KCNAB2: variants seen among roughly 807,000 people sequenced by gnomAD.
KCNAB2 encodes voltage-gated potassium channel subunit beta-2.
KCNAB2 carries 29 observed loss-of-function variants against 63.6 expected under a neutral mutation model. That is an observed-to-expected ratio of 0.46 (90% confidence interval 0.34 to 0.62). The LOEUF (loss-of-function observed/expected upper bound fraction) is 0.62, where lower values mean the gene tolerates loss of function less well. KCNAB2 is among the 20% of genes least tolerant of loss of function. The probability of loss-of-function intolerance (pLI) is 0.01; values close to 1 mark genes in which losing one functional copy is unlikely to be tolerated. For missense variants in KCNAB2, 359 were observed against 563.9 expected (o/e 0.64, Z 3.68); for synonymous variants, 222 against 224.2 (o/e 0.99, Z 0.09).
chr1:6,033,104 A>G (rs538348381), upstream of KCNAB2, among the ~76,000 whole-genome samples: 1 of 152,232 alleles, frequency 6.6e-6, no homozygotes, highest in African/African-American at 2.4e-5. Flanking sequence ...GGTTAAGACA[A>G]AATTCTCAGA....
intron 1 of KCNAB2, among the ~76,000 whole-genome samples, chr1:6,002,583 C>G (rs899220439): frequency 6.6e-6 from 1 of 152,366 alleles, no homozygotes; most frequent in African/African-American, 2.4e-5. Context: ...GAGGACACAG[C>G]TTGTGTTTTT....
intron 1 of KCNAB2, among the ~76,000 whole-genome samples, chr1:5,995,127 C>T (rs1570802879): frequency 6.6e-6 from 1 of 152,126 alleles, no homozygotes; most frequent in Non-Finnish European, 1.5e-5. Flanking sequence ...TCCTGGCGTC[C>T]CTGAATAAGG....
At chr1:6,076,462 G>A (rs1571039626) in intron 4 of KCNAB2, among the ~76,000 whole-genome samples, 2 of 152,220 alleles carry the variant, frequency 1.3e-5, no homozygotes, top group Non-Finnish European at 1.5e-5. Flanking sequence ...CCCATTAGAA[G>A]CATGTGTTCA....
intron 1 of KCNAB2, among the ~76,000 whole-genome samples, chr1:6,048,234 C>T (rs1468767321): frequency 6.6e-6 from 1 of 152,236 alleles, no homozygotes; most frequent in Non-Finnish European, 1.5e-5. Flanking sequence ...TCACAAGTTC[C>T]TTCCCGCCCT....
intron 1 of KCNAB2, chr1:6,040,511 T>C (rs914438704): frequency 8.1e-6 from 12 of 1,486,466 alleles, no homozygotes; most frequent in Non-Finnish European, 1.1e-5. Context: ...TTTGCTTTTC[T>C]TCCAGAATTT....
chr1:6,011,769 C>G (rs900728624), intron 1 of KCNAB2, among the ~76,000 whole-genome samples: 1 of 151,528 alleles, frequency 6.6e-6, no homozygotes, highest in Admixed American at 6.6e-5. Context: ...CAGGGATATC[C>G]GCGTGGATGG....
At chr1:6,066,852 A>G (rs1662796568) in intron 2 of KCNAB2, among the ~76,000 whole-genome samples, 1 of 152,224 alleles carries the variant, frequency 6.6e-6, no homozygotes, top group South Asian at 2.1e-4. Flanking sequence ...ACAGGCAGCC[A>G]GGCCGCATCT....
At chr1:6,032,053 G>T (rs1454158141), upstream of KCNAB2, among the ~76,000 whole-genome samples, 1 of 152,138 alleles carries the variant, frequency 6.6e-6, no homozygotes, top group Non-Finnish European at 1.5e-5. Flanking sequence ...CCTTCCTGGG[G>T]CTATGGCTTT....
At position 6,069,232 on chromosome 1, in the gene KCNAB2, C is replaced by A. The variant is rs377069973; in HGVS notation, c.219-3523C>A. On this transcript the variant is annotated intron_variant, in intron 2 of 15. Coordinates refer to ENST00000378083, the MANE Select transcript of KCNAB2 (RefSeq NM_001199862.2). The surrounding 1 kb of genome is among the most constrained non-coding windows in gnomAD (Gnocchi z 5.4). ...TAACAGGAGCCACCCCATGTGCCTT[C>A]CTCCGCAACCAGCTAGCCAAGGCCA... Among the ~76,000 whole-genome samples, 1 of 152,232 alleles carries A rather than the reference C, an allele frequency of 6.6e-6. No homozygotes were observed. Among genetic ancestry groups the A allele is most frequent in the East Asian group, 1.9e-4 (1 of 5,194 alleles).
rs1199554263 is a variant in KCNAB2, at chr1:6,051,589, A to T, written c.53A>T (p.His18Leu). 6.5e-7 allele frequency: 1 copy of T among 1,534,814 alleles called. No individual in the cohort carries two copies. Among genetic ancestry groups the T allele is most frequent in the Non-Finnish European group, 8.7e-7 (1 of 1,146,368 alleles). Reference protein sequence around the residue: ...ESLRSVSSRCHSEWALHPVRQ... With the variant: ...ESLRSVSSRCLSEWALHPVRQ... ...CTGCGGAGCGTGAGCAGCAGGTGCC[A>T]CTCTGAATGGGCCCTGCACCCCGTC... The change falls in exon 2 of 16, where the codon CAC (histidine) becomes CTC (leucine). Residue 18 changes from histidine to leucine, a missense_variant. His to Leu is a moderately conservative substitution (Grantham distance 99, BLOSUM62 -3). Around this residue, in one of 2 missense-constraint regions of KCNAB2, gnomAD observed 88 missense variants for 87.8 expected, o/e 1.00. Coordinates refer to ENST00000378083, the MANE Select transcript of KCNAB2 (RefSeq NM_001199862.2).
upstream of KCNAB2, among the ~76,000 whole-genome samples, chr1:6,032,280 G>GA (rs1400969754): frequency 1.3e-5 from 2 of 151,990 alleles, no homozygotes; most frequent in African/African-American, 4.8e-5. Flanking sequence ...GGTTAATCAT[G>GA]AAAAAAAGAA....
chr1:6,083,620 C>T (rs1013974495), intron 5 of KCNAB2, among the ~76,000 whole-genome samples: 1 of 152,214 alleles, frequency 6.6e-6, no homozygotes, highest in Non-Finnish European at 1.5e-5. Context: ...CCACTGCGGT[C>T]CCTCTGTCCA....
intron 2 of KCNAB2, among the ~76,000 whole-genome samples, chr1:6,067,081 G>A (rs1051627542): frequency 3.9e-5 from 6 of 152,182 alleles, no homozygotes; most frequent in African/African-American, 7.2e-5. Context: ...AAAGGGTCCC[G>A]GGAGCAGGGT....
chr1:6,094,636 G>A, intron 11 of KCNAB2, 151 bp downstream of exon 11: 1 of 648,182 alleles, frequency 1.5e-6, no homozygotes, highest in Non-Finnish European at 2.7e-6. Context: ...GGTGGAGTGT[G>A]GTGGTTATGT....
intron 2 of KCNAB2, 70 bp from the exon 3 acceptor site, chr1:6,072,685 G>A (rs1663308759): frequency 1.1e-5 from 17 of 1,539,816 alleles, no homozygotes; most frequent in Non-Finnish European, 1.3e-5. Context: ...GGCTGGCCCT[G>A]GCGGGAACTG....
intron 5 of KCNAB2, 117 bp downstream of exon 5, chr1:6,082,391 C>A: frequency 1.3e-6 from 1 of 777,420 alleles, no homozygotes; most frequent in Non-Finnish European, 2.2e-6. Context: ...TTGCACCCTG[C>A]TTTCATTTTT....
intron 1 of KCNAB2, among the ~76,000 whole-genome samples, chr1:6,007,202 G>GGC (rs1570841905): frequency 2.6e-5 from 1 of 38,644 alleles, no homozygotes; most frequent in East Asian, 1.3e-3. Flanking sequence ...GTCACTGCAT[G>GGC]GGGGGGGCTC....
chr1:6,017,692 G>A (rs898401155), intron 1 of KCNAB2, among the ~76,000 whole-genome samples: 1 of 152,076 alleles, frequency 6.6e-6, no homozygotes, highest in Non-Finnish European at 1.5e-5. Context: ...TCGAGAGGCT[G>A]AGGCAGGAGA....
At chr1:6,057,670 C>T (rs1047391132) in intron 2 of KCNAB2, among the ~76,000 whole-genome samples, 4 of 152,196 alleles carry the variant, frequency 2.6e-5, no homozygotes, top group Non-Finnish European at 5.9e-5. Flanking sequence ...CGGCCAGGTG[C>T]AGCCGGGCCA....
Sources: gnomAD v4.1 joint callset for allele counts (sites outside exome capture counted in the v4.1 genomes callset) on GRCh38, gnomAD v4.1.1 for gene constraint, gnomAD v4.1.1 regional missense constraint, Gnocchi (gnomAD v3.1) non-coding constraint, MANE v1.5 for transcripts, NCBI Gene and HGNC (gene_info 2026-07-23, HGNC 2026-07-21) for gene names.